MYO1D: variants seen among roughly 807,000 people sequenced by gnomAD.
MYO1D encodes the protein unconventional myosin-Id.
MYO1D carries 83 observed loss-of-function variants against 122.0 expected under a neutral mutation model. The ratio of observed to expected loss-of-function variants is 0.68; its 90% CI spans 0.57 to 0.82. The LOEUF (loss-of-function observed/expected upper bound fraction) is 0.82, where lower values mean the gene tolerates loss of function less well. MYO1D is among the 40% of genes least tolerant of loss of function. The pLI, the probability that MYO1D is intolerant of heterozygous loss-of-function variation, is 0.00. For synonymous variants in MYO1D, 464 were observed against 446.9 expected, an observed-to-expected ratio of 1.04 and a Z score of -0.48; for missense variants, 1,157 against 1,269.5, an observed-to-expected ratio of 0.91 and a Z score of 1.35.
intron 21 of MYO1D, among the ~76,000 whole-genome samples, chr17:32,546,373 C>T (rs915289259): frequency 6.6e-6 from 1 of 152,178 alleles, no homozygotes; most frequent in Non-Finnish European, 1.5e-5. Flanking sequence ...CTGTCTTTGT[C>T]GAGGAGCACT....
At chr17:32,523,782 C>T (rs1274541619) in intron 21 of MYO1D, among the ~76,000 whole-genome samples, 81 of 137,762 alleles carry the variant, frequency 5.9e-4, no homozygotes, top group Non-Finnish European at 1.2e-3. Context: ...CAGAAAAAGA[C>T]CCTGTCTCAA....
At chr17:32,687,905 C>G (rs2089041064) in intron 16 of MYO1D, among the ~76,000 whole-genome samples, 1 of 152,148 alleles carries the variant, frequency 6.6e-6, no homozygotes, top group Non-Finnish European at 1.5e-5. Context: ...GGAACATAAT[C>G]AAGTACAAGG....
At chr17:32,832,069 G>A (rs1429103582) in intron 1 of MYO1D, among the ~76,000 whole-genome samples, 6 of 151,964 alleles carry the variant, frequency 3.9e-5, no homozygotes, top group Admixed American at 1.3e-4. Context: ...AAAAGGCCAC[G>A]AAGCGATACA....
intron 21 of MYO1D, among the ~76,000 whole-genome samples, chr17:32,581,857 G>A (rs541986102): frequency 2.2e-4 from 33 of 151,828 alleles, no homozygotes; most frequent in South Asian, 2.1e-4. Flanking sequence ...CCTCTGCTCC[G>A]AGGTTCAAGC....
intron 1 of MYO1D, among the ~76,000 whole-genome samples, chr17:32,800,508 G>T (rs9906613): frequency 0.036 from 5,425 of 152,144 alleles, 314 homozygotes; most frequent in African/African-American, 0.12. Flanking sequence ...GAACTTAATA[G>T]AAGTAGAGAG....
In MYO1D at chr17:32,616,926, C is replaced by T. The variant is rs145270673; in HGVS notation, c.2710-11685G>A. ...ATAAGAAGTCCAACTACCAGCCAGT[C>T]GTGGTGGCTCATGCCTGTAATCCCA... On this transcript the variant is annotated intron_variant, in intron 20 of 21. Coordinates refer to ENST00000318217, the MANE Select transcript of MYO1D (RefSeq NM_015194.3). Among the ~76,000 whole-genome samples the T allele has an allele frequency of 7.0e-3, 1,071 of 152,318 alleles. 8 individuals carry two copies. Among genetic ancestry groups the T allele is most frequent in the South Asian group, 0.021 (103 of 4,828 alleles).
At chr17:32,496,919 A>G (rs1182818721) in intron 21 of MYO1D, 1 of 152,264 alleles carries the variant, frequency 6.6e-6, no homozygotes, top group East Asian at 1.9e-4. Flanking sequence ...CAAAAAAATT[A>G]AGAGACAGAA....
chr17:32,671,709 T>G (rs1158815650), intron 16 of MYO1D, among the ~76,000 whole-genome samples: 1 of 152,218 alleles, frequency 6.6e-6, no homozygotes, highest in African/African-American at 2.4e-5. Context: ...GGCAATTTTA[T>G]GAGTATGTAA....
chr17:32,661,150 T>C (rs1175046842), intron 16 of MYO1D, among the ~76,000 whole-genome samples: 1 of 152,246 alleles, frequency 6.6e-6, no homozygotes, highest in Non-Finnish European at 1.5e-5. Flanking sequence ...AAACCTACTT[T>C]ATAAAGGGGG....
intron 20 of MYO1D, among the ~76,000 whole-genome samples, chr17:32,610,836 AT>A (rs1487972815): frequency 2.6e-5 from 4 of 152,330 alleles, no homozygotes; most frequent in Non-Finnish European, 5.9e-5. Context: ...TCACTACCTC[AT>A]TGCATTTGGG....
intron 16 of MYO1D, among the ~76,000 whole-genome samples, chr17:32,681,230 G>GT (rs1450268860): frequency 1.3e-5 from 2 of 151,706 alleles, no homozygotes; most frequent in Admixed American, 6.6e-5. Context: ...TTTTCGAAGG[G>GT]TTTTTTATGT....
chr17:32,567,065 G>A (rs2087181023), intron 21 of MYO1D, among the ~76,000 whole-genome samples: 1 of 151,856 alleles, frequency 6.6e-6, no homozygotes, highest in Admixed American at 6.6e-5. Context: ...GATATTAACA[G>A]GACAAAGCTA....
intron 21 of MYO1D, among the ~76,000 whole-genome samples, chr17:32,581,912 G>C (rs2087344851): frequency 6.6e-6 from 1 of 152,074 alleles, no homozygotes; most frequent in African/African-American, 2.4e-5. Context: ...CTACACGTGT[G>C]CACCACCACA....
intron 21 of MYO1D, chr17:32,518,412 T>C (rs968629638): frequency 1.3e-5 from 2 of 152,308 alleles, no homozygotes; most frequent in Non-Finnish European, 2.9e-5. Context: ...GGAAACCTAA[T>C]CTATCTTATT....
Position 32,494,728 on chromosome 17 carries a change from GC to G in MYO1D, c.*30del, listed in dbSNP as rs982230191. 9.6e-6 allele frequency: 15 copies of G among 1,556,820 alleles called. No individual in the cohort carries two copies. Among genetic ancestry groups the G allele is most frequent in the Non-Finnish European group, 1.3e-5 (15 of 1,153,182 alleles). On this transcript the variant is annotated 3_prime_UTR_variant, in exon 22 of 22. Coordinates refer to ENST00000318217, the MANE Select transcript of MYO1D (RefSeq NM_015194.3). Reference sequence around the variant, plus strand: ...ACTGGGACCCAGGACTCGGAGTGTGGCCGGGCTCCGGGCCAGGCCTCCGCGG... The same window carrying G: ...ACTGGGACCCAGGACTCGGAGTGTGGCGGGCTCCGGGCCAGGCCTCCGCGG...
At chr17:32,803,984 G>A (rs1390434643) in intron 1 of MYO1D, among the ~76,000 whole-genome samples, 1 of 152,130 alleles carries the variant, frequency 6.6e-6, no homozygotes, top group African/African-American at 2.4e-5. Flanking sequence ...TGCATTCAAA[G>A]GCTGAATGGA....
intron 1 of MYO1D, among the ~76,000 whole-genome samples, chr17:32,849,574 C>T (rs2090967604): frequency 1.3e-5 from 2 of 150,652 alleles, no homozygotes; most frequent in African/African-American, 5.0e-5. Flanking sequence ...AACAAAAAAC[C>T]AAACACCACA....
At chr17:32,713,705 G>A (rs1282852139) in intron 15 of MYO1D, among the ~76,000 whole-genome samples, 1 of 152,090 alleles carries the variant, frequency 6.6e-6, no homozygotes. Context: ...TCAGCTCACT[G>A]CAACCCCCGC....
intron 17 of MYO1D, among the ~76,000 whole-genome samples, chr17:32,657,988 G>GA (rs1335143454): frequency 1.2e-4 from 19 of 152,030 alleles, no homozygotes; most frequent in African/African-American, 4.1e-4. Context: ...GTGTAAAAAA[G>GA]GGGAAAAAAA....
Sources: allele counts gnomAD v4.1 joint callset (sites outside exome capture counted in the v4.1 genomes callset), GRCh38; gene constraint gnomAD v4.1.1; transcripts MANE v1.5; gene names NCBI Gene and HGNC (gene_info 2026-07-23, HGNC 2026-07-21).